Variants in GRIK4 observed in about 807,000 individuals in gnomAD.
GRIK4 encodes the protein glutamate ionotropic receptor kainate type subunit 4, also known as glutamate receptor ionotropic, kainate 4.
A neutral mutation model predicts 104.9 loss-of-function variants in GRIK4; 40 were observed. The observed-to-expected ratio is 0.38, with a 90% CI of 0.30 to 0.50. GRIK4 has a LOEUF of 0.50. Ranked by LOEUF, GRIK4 falls within the 20% of genes least tolerant of loss-of-function variation. The pLI is 0.93. For missense variants in GRIK4, 1,047 were observed against 1,308.1 expected, an observed-to-expected ratio of 0.80 and a Z score of 3.08; for synonymous variants, 485 against 524.9, an observed-to-expected ratio of 0.92 and a Z score of 1.04.
At chr11:120,640,648 A>C (rs1949458605) in intron 1 of GRIK4, among the ~76,000 whole-genome samples, 1 of 152,148 alleles carries the variant, frequency 6.6e-6, no homozygotes, top group Admixed American at 6.5e-5. Flanking sequence ...ACAAGGAGGG[A>C]GAACTGTTTC....
intron 1 of GRIK4, among the ~76,000 whole-genome samples, chr11:120,608,894 G>A (rs2135143639): frequency 6.6e-6 from 1 of 152,320 alleles, no homozygotes; most frequent in South Asian, 2.1e-4. Flanking sequence ...GCCAGCAGGA[G>A]CCTTTTTTTC....
rs146441894 is a variant in GRIK4 at position 120,572,986 on chromosome 11, CTTCATTCA to C, written c.-159+61112_-159+61119del. Among the ~76,000 whole-genome samples the C allele has an allele frequency of 4.4e-3, 672 of 152,318 alleles. 2 individuals carry two copies. The highest frequency in any genetic ancestry group is 6.8e-3 in the Non-Finnish European group (460 of 68,026). On this transcript the variant is annotated intron_variant, in intron 1 of 20. Coordinates refer to ENST00000527524, the MANE Select transcript of GRIK4 (RefSeq NM_014619.5). ...TAACCATACTCCATTCACTCATTCA[CTTCATTCA>C]TTCATTCATTCAGTAGTCTTTTATT...
intron 3 of GRIK4, among the ~76,000 whole-genome samples, chr11:120,759,783 C>T (rs564507226): frequency 2.6e-5 from 4 of 152,122 alleles, no homozygotes; most frequent in Admixed American, 2.6e-4. Context: ...ATATTTTAGG[C>T]TTTGTGGGCC....
At chr11:120,700,539 A>G (rs1402640605) in intron 3 of GRIK4, among the ~76,000 whole-genome samples, 4 of 151,856 alleles carry the variant, frequency 2.6e-5, no homozygotes, top group African/African-American at 7.3e-5. Context: ...GCTCACTGCA[A>G]CCTTCACCTC....
intron 1 of GRIK4, among the ~76,000 whole-genome samples, chr11:120,627,427 T>C (rs1416859962): frequency 6.6e-6 from 1 of 152,224 alleles, no homozygotes; most frequent in Non-Finnish European, 1.5e-5. Context: ...ATGTGGGCAC[T>C]TCCCCTCCCC....
intron 3 of GRIK4, among the ~76,000 whole-genome samples, chr11:120,795,243 G>T (rs1029295949): frequency 5.3e-5 from 8 of 152,202 alleles, no homozygotes; most frequent in Admixed American, 1.3e-4. Context: ...AGAACTGAGG[G>T]ATTAAGGAGG....
At chr11:120,673,853 CTG>C (rs1950058793) in intron 3 of GRIK4, among the ~76,000 whole-genome samples, 3 of 152,198 alleles carry the variant, frequency 2.0e-5, no homozygotes, top group Non-Finnish European at 4.4e-5. Flanking sequence ...CCAGTTCTGA[CTG>C]TTTGCTTTTC....
intron 3 of GRIK4, among the ~76,000 whole-genome samples, chr11:120,718,974 T>A (rs1017035105): frequency 3.9e-5 from 6 of 152,368 alleles, no homozygotes; most frequent in Non-Finnish European, 7.3e-5. Flanking sequence ...GGCCCTCCCC[T>A]TTCTAGAATA....
chr11:120,574,871 T>C (rs1371181170), intron 1 of GRIK4, among the ~76,000 whole-genome samples: 1 of 152,164 alleles, frequency 6.6e-6, no homozygotes, highest in African/African-American at 2.4e-5. Context: ...TAAGAATTCA[T>C]TGAGCACCTA....
intron 1 of GRIK4, among the ~76,000 whole-genome samples, chr11:120,550,901 T>C (rs1948132882): frequency 1.3e-5 from 2 of 152,002 alleles, no homozygotes; most frequent in South Asian, 2.1e-4. Context: ...AGTGGCTGGA[T>C]GGGCATGCAG....
At chr11:120,915,722 A>G (rs777836724) in intron 13 of GRIK4, among the ~76,000 whole-genome samples, 2 of 152,134 alleles carry the variant, frequency 1.3e-5, no homozygotes, top group Non-Finnish European at 2.9e-5. Context: ...AAGCCGAGCC[A>G]CCAGGAGGGA....
intron 3 of GRIK4, among the ~76,000 whole-genome samples, chr11:120,763,739 T>C (rs1951788199): frequency 6.6e-6 from 1 of 152,204 alleles, no homozygotes; most frequent in Non-Finnish European, 1.5e-5. Flanking sequence ...TCAGTTTCCA[T>C]GTAGTTGTGC....
At chr11:120,539,121 A>G (rs1483462028) in intron 1 of GRIK4, among the ~76,000 whole-genome samples, 1 of 152,166 alleles carries the variant, frequency 6.6e-6, no homozygotes, top group Non-Finnish European at 1.5e-5. Flanking sequence ...AGCACAGGGA[A>G]CACTCTATTA....
intron 8 of GRIK4, among the ~76,000 whole-genome samples, chr11:120,850,507 C>G (rs937061727): frequency 6.6e-6 from 1 of 152,174 alleles, no homozygotes; most frequent in African/African-American, 2.4e-5. Context: ...TCCATACATC[C>G]CTTGATCATG....
intron 9 of GRIK4, 101 bp from the exon 10 acceptor site, chr11:120,873,965 T>C: frequency 9.4e-7 from 1 of 1,064,330 alleles, no homozygotes; most frequent in South Asian, 1.6e-5. Context: ...TTCTTTTGCT[T>C]TCTCTTTTCT....
chr11:120,663,768 T>C (rs188679182), intron 3 of GRIK4, among the ~76,000 whole-genome samples: 33 of 152,310 alleles, frequency 2.2e-4, no homozygotes, highest in African/African-American at 7.7e-4. Context: ...TCATCTTCTC[T>C]GCCTGCAAAA....
rs893340984 is a variant in GRIK4 at position 120,852,456 on chromosome 11, C to T, written c.745-9503C>T. On this transcript the variant is annotated intron_variant, in intron 8 of 20. Transcript: ENST00000527524. ...AGGAATATGGTCTGCCTTTGAAGTC[C>T]TGTTTGTGGACTCATGTTGGGAAAG... Among the ~76,000 whole-genome samples the T allele has an allele frequency of 5.9e-5, 9 of 152,336 alleles. No homozygotes were observed. In the East Asian group the frequency reaches 9.6e-4, roughly 16 times the overall value.
At position 120,783,550 on chromosome 11, in the gene GRIK4, G is replaced by GGTCTC. The variant is rs781414678; in HGVS notation, c.83-19141_83-19137dup. Among the ~76,000 whole-genome samples, 157 of 152,106 alleles carry GGTCTC rather than the reference G, an allele frequency of 1.0e-3. 2 individuals carry two copies. Among genetic ancestry groups the GGTCTC allele is most frequent in the Non-Finnish European group, 6.3e-4 (43 of 68,006 alleles). On this transcript the variant is annotated intron_variant, in intron 3 of 20. Coordinates refer to ENST00000527524, the MANE Select transcript of GRIK4 (RefSeq NM_014619.5). ...AATATTTGAAGTTTAGTAGGTTTAT[G>GGTCTC]GTCTCGGTTCTTAATTTTTAGAGTG...
intron 1 of GRIK4, among the ~76,000 whole-genome samples, chr11:120,568,636 C>T (rs1045048241): frequency 2.7e-4 from 41 of 152,192 alleles, no homozygotes; most frequent in African/African-American, 9.7e-4. Context: ...GATCCACCTA[C>T]CTCGGCCCCC....
Sources: allele counts gnomAD v4.1 joint callset (sites outside exome capture counted in the v4.1 genomes callset), GRCh38; gene constraint gnomAD v4.1.1; transcripts MANE v1.5; gene names NCBI Gene and HGNC (gene_info 2026-07-23, HGNC 2026-07-21).